EYS: variants seen among roughly 807,000 people sequenced by gnomAD.
The protein encoded by EYS is EGF-like photoreceptor maintenance factor.
Under a neutral mutation model 282.1 loss-of-function variants are expected in EYS, and 250 were observed. The ratio of observed to expected loss-of-function variants is 0.89; its 90% confidence interval spans 0.80 to 0.98. The LOEUF (loss-of-function observed/expected upper bound fraction) is 0.98. Ranked by LOEUF, EYS falls within the 50% of genes least tolerant of loss-of-function variation. The pLI is 0.00. For synonymous variants in EYS, 1,355 were observed against 1,282.9 expected, an observed-to-expected ratio of 1.06 and a Z score of -1.20; for missense variants, 4,016 against 3,709.0, an observed-to-expected ratio of 1.08 and a Z score of -2.15.
intron 2 of EYS, among the ~76,000 whole-genome samples, chr6:65,621,884 A>G (rs1024869915): frequency 1.6e-4 from 24 of 152,322 alleles, no homozygotes; most frequent in Middle Eastern, 3.4e-3. Flanking sequence ...CATTCAATGA[A>G]GAGAAGTTAA....
intron 11 of EYS, among the ~76,000 whole-genome samples, chr6:65,333,509 CTGTTGTTGGGTAA>C (rs1769870914): frequency 1.3e-5 from 2 of 151,482 alleles, no homozygotes; most frequent in Admixed American, 6.6e-5. Flanking sequence ...GGTTATTCTG[CTGTTGTTGGGTAA>C]TGTGTTTTAT....
intron 12 of EYS, among the ~76,000 whole-genome samples, chr6:65,134,297 A>C (rs1206648359): frequency 1.3e-5 from 2 of 152,124 alleles, no homozygotes; most frequent in East Asian, 3.9e-4. Context: ...CATGCATGCA[A>C]ATATTAATTG....
intron 5 of EYS, among the ~76,000 whole-genome samples, chr6:65,454,311 C>A (rs1267908997): frequency 6.6e-6 from 1 of 151,680 alleles, no homozygotes; most frequent in Non-Finnish European, 1.5e-5. Context: ...CACTTGTCTT[C>A]TTTTGAGAAA....
chr6:64,831,764 TA>T (rs1251745000), intron 19 of EYS, among the ~76,000 whole-genome samples: 1 of 151,966 alleles, frequency 6.6e-6, no homozygotes, highest in Non-Finnish European at 1.5e-5. Flanking sequence ...GTAAAAGTTA[TA>T]AAAACAATTA....
At chr6:65,491,749 C>G (rs1189145031) in intron 4 of EYS, among the ~76,000 whole-genome samples, 1 of 152,072 alleles carries the variant, frequency 6.6e-6, no homozygotes, top group East Asian at 1.9e-4. Context: ...GCCCACCCAC[C>G]GCCGCCAAAT....
intron 35 of EYS, among the ~76,000 whole-genome samples, chr6:63,879,671 G>A (rs868486367): frequency 6.6e-6 from 1 of 152,202 alleles, no homozygotes; most frequent in South Asian, 2.1e-4. Context: ...GGACAGTTTG[G>A]TTAGCTTCTT....
intron 13 of EYS, among the ~76,000 whole-genome samples, chr6:65,019,642 C>T (rs947176394): frequency 1.3e-5 from 2 of 152,214 alleles, no homozygotes; most frequent in Non-Finnish European, 2.9e-5. Context: ...ATCATTATCT[C>T]TGTCCATTTG....
At chr6:65,530,954 A>G (rs1767744702) in intron 2 of EYS, among the ~76,000 whole-genome samples, 1 of 152,198 alleles carries the variant, frequency 6.6e-6, no homozygotes. Context: ...CAAAATTTTA[A>G]TATGATAGTT....
At chr6:65,143,094 T>C (rs1764389012) in intron 12 of EYS, among the ~76,000 whole-genome samples, 1 of 152,032 alleles carries the variant, frequency 6.6e-6, no homozygotes, top group South Asian at 2.1e-4. Flanking sequence ...ATGCTCATGA[T>C]AAACTTGCTA....
At chr6:64,976,823 T>C (rs28690019) in intron 14 of EYS, among the ~76,000 whole-genome samples, 40,289 of 151,122 alleles carry the variant, frequency 0.27, 6,667 homozygotes, top group African/African-American at 0.47. Context: ...TTCACAAATA[T>C]TGAGATTTTT....
At chr6:65,200,995 C>G (rs890183677) in intron 12 of EYS, among the ~76,000 whole-genome samples, 1 of 151,960 alleles carries the variant, frequency 6.6e-6, no homozygotes, top group Non-Finnish European at 1.5e-5. Flanking sequence ...TAGGGGCTGT[C>G]TCTTTTAAGA....
At chr6:64,506,837 A>G (rs940083580) in intron 26 of EYS, among the ~76,000 whole-genome samples, 2 of 144,706 alleles carry the variant, frequency 1.4e-5, no homozygotes, top group Admixed American at 1.4e-4. Flanking sequence ...GGAACCCGGG[A>G]GGCGGAGCTT....
chr6:64,028,984 A>G (rs1423611555), intron 33 of EYS, among the ~76,000 whole-genome samples: 2 of 152,182 alleles, frequency 1.3e-5, no homozygotes, highest in Non-Finnish European at 2.9e-5. Flanking sequence ...ACATTAAAAC[A>G]GTTGAGGGGG....
At chr6:64,871,293 T>A (rs1161835858) in intron 19 of EYS, among the ~76,000 whole-genome samples, 1 of 151,680 alleles carries the variant, frequency 6.6e-6, no homozygotes, top group African/African-American at 2.4e-5. Context: ...ATTAAACTTT[T>A]TTTCTGCTAG....
At chr6:65,418,340 T>C (rs1221473599) in intron 5 of EYS, among the ~76,000 whole-genome samples, 1 of 152,060 alleles carries the variant, frequency 6.6e-6, no homozygotes, top group East Asian at 1.9e-4. Flanking sequence ...CATATTGTCT[T>C]CCACAATGGT....
intron 12 of EYS, among the ~76,000 whole-genome samples, chr6:65,273,511 C>T (rs1011992774): frequency 5.9e-5 from 9 of 152,202 alleles, no homozygotes; most frequent in Non-Finnish European, 1.3e-4. Flanking sequence ...TAAGGTAACA[C>T]TCTCCGGAAA....
intron 25 of EYS, 25 bp downstream of exon 25, chr6:64,593,092 T>C: frequency 6.9e-7 from 1 of 1,446,086 alleles, no homozygotes; most frequent in East Asian, 2.8e-5. Context: ...TCAAACTTCT[T>C]AATATCTTAC....
chr6:64,197,885 TTC>T (rs1765339970), intron 31 of EYS, among the ~76,000 whole-genome samples: 1 of 151,876 alleles, frequency 6.6e-6, no homozygotes, highest in African/African-American at 2.4e-5. Context: ...AATGGGAAAA[TTC>T]AGTTTATATA....
intron 5 of EYS, 51 bp downstream of exon 5, chr6:65,490,543 A>G: frequency 1.0e-6 from 1 of 971,416 alleles, no homozygotes; most frequent in Non-Finnish European, 1.6e-6. Flanking sequence ...AAATACATAG[A>G]TAAAATTAAA....
Sources: gnomAD v4.1 joint callset for allele counts (sites outside exome capture counted in the v4.1 genomes callset) on GRCh38, gnomAD v4.1.1 for gene constraint, MANE v1.5 for transcripts, NCBI Gene and HGNC (gene_info 2026-07-23, HGNC 2026-07-21) for gene names.